NLGN1: variants seen among roughly 807,000 people sequenced by gnomAD.
The protein encoded by NLGN1 is neuroligin-1.
In NLGN1, 12 loss-of-function variants were observed where a neutral mutation model predicts 65.5. The observed-to-expected ratio is 0.18, with a 90% confidence interval of 0.12 to 0.30. NLGN1 has a LOEUF of 0.30. Among genes scored for constraint, NLGN1 ranks in the 10% least tolerant of loss-of-function variants. The probability of loss-of-function intolerance (pLI) is 1.00; values close to 1 mark genes in which losing one functional copy is unlikely to be tolerated. For synonymous variants in NLGN1, 350 were observed against 359.5 expected (o/e 0.97, Z 0.30); for missense variants, 750 against 1,007.1 (o/e 0.74, Z 3.46).
intron 2 of NLGN1, among the ~76,000 whole-genome samples, chr3:173,551,002 C>A (rs1188570822): frequency 6.6e-6 from 1 of 152,134 alleles, no homozygotes; most frequent in Non-Finnish European, 1.5e-5. Flanking sequence ...AATATTTTTA[C>A]AAATCTAAGC....
At chr3:173,452,341 C>A (rs911639301) in intron 2 of NLGN1, among the ~76,000 whole-genome samples, 1 of 152,040 alleles carries the variant, frequency 6.6e-6, no homozygotes, top group Admixed American at 6.6e-5. Context: ...CCCGCCACCA[C>A]GTCCGGCTAA....
chr3:173,611,742 A>G (rs1233275954), intron 3 of NLGN1, among the ~76,000 whole-genome samples: 1 of 152,122 alleles, frequency 6.6e-6, no homozygotes, highest in African/African-American at 2.4e-5. Context: ...AGACAGAGAC[A>G]GTCTCCTGAA....
At chr3:173,730,984 G>A (rs901025447) in intron 3 of NLGN1, among the ~76,000 whole-genome samples, 1 of 152,068 alleles carries the variant, frequency 6.6e-6, no homozygotes, top group African/African-American at 2.4e-5. Flanking sequence ...CATGATATGT[G>A]CCTTGAGAAA....
intron 3 of NLGN1, among the ~76,000 whole-genome samples, chr3:173,620,751 A>AG (rs1452276241): frequency 6.6e-6 from 1 of 152,152 alleles, no homozygotes; most frequent in Non-Finnish European, 1.5e-5. Flanking sequence ...TAGATAACAC[A>AG]GAAGTGGGGC....
At chr3:173,923,231 G>A (rs1344544597) in intron 4 of NLGN1, among the ~76,000 whole-genome samples, 1 of 152,106 alleles carries the variant, frequency 6.6e-6, no homozygotes, top group Admixed American at 6.6e-5. Flanking sequence ...TAGGGTCTGT[G>A]GGAAAGGCAG....
At chr3:173,787,525 ATGT>A (rs1711509141) in intron 3 of NLGN1, among the ~76,000 whole-genome samples, 1 of 152,182 alleles carries the variant, frequency 6.6e-6, no homozygotes. Context: ...TCTTTGATAA[ATGT>A]TATTATTCTG....
At chr3:173,510,063 G>T (rs953612645) in intron 2 of NLGN1, among the ~76,000 whole-genome samples, 2 of 152,102 alleles carry the variant, frequency 1.3e-5, no homozygotes, top group Non-Finnish European at 2.9e-5. Context: ...ATCTACATAT[G>T]GAACAATGTA....
intron 4 of NLGN1, among the ~76,000 whole-genome samples, chr3:174,001,999 G>A (rs1437021007): frequency 6.6e-6 from 1 of 151,554 alleles, no homozygotes; most frequent in Non-Finnish European, 1.5e-5. Flanking sequence ...TAGAAATATG[G>A]GAGTCATGGA....
At chr3:173,406,022 A>G (rs1287943473) in intron 1 of NLGN1, among the ~76,000 whole-genome samples, 2 of 152,146 alleles carry the variant, frequency 1.3e-5, no homozygotes, top group Non-Finnish European at 2.9e-5. Context: ...TATAACATGT[A>G]TCATATAACT....
chr3:173,885,553 G>T lies in NLGN1; in HGVS notation c.646+77721G>T, dbSNP rs149611764. The stretch of plus-strand genomic sequence containing the variant: ...TAGATCCACTTACAGATAAAAATTT[G>T]ATATATTGCTATATTAAATATATAG... On this transcript the variant is annotated intron_variant, in intron 4 of 6. Transcript: ENST00000457714. 1.3e-4 allele frequency among the ~76,000 whole-genome samples: 19 copies of T among 151,968 alleles called. No individual in the cohort carries two copies. The East Asian group carries it at 2.7e-3, about 22-fold the overall frequency.
chr3:173,773,126 C>T (rs1415028746), intron 3 of NLGN1, among the ~76,000 whole-genome samples: 2 of 152,112 alleles, frequency 1.3e-5, no homozygotes, highest in African/African-American at 4.8e-5. Flanking sequence ...TGCCATAACC[C>T]ACTTCAGTCA....
intron 3 of NLGN1, among the ~76,000 whole-genome samples, chr3:173,781,685 G>A (rs983748525): frequency 6.2e-4 from 95 of 152,170 alleles, no homozygotes; most frequent in Non-Finnish European, 1.1e-3. Context: ...TTAACTCCCC[G>A]TGTCTCAGTA....
At chr3:173,474,936 C>T (rs1164028461) in intron 2 of NLGN1, among the ~76,000 whole-genome samples, 1 of 151,480 alleles carries the variant, frequency 6.6e-6, no homozygotes, top group Non-Finnish European at 1.5e-5. Flanking sequence ...CCAGCCTGGG[C>T]AACAGAGTGA....
intron 4 of NLGN1, among the ~76,000 whole-genome samples, chr3:174,112,741 T>C (rs538481145): frequency 1.7e-4 from 26 of 152,084 alleles, no homozygotes; most frequent in Admixed American, 4.6e-4. Flanking sequence ...GCTAATAACA[T>C]CATGTTTCTA....
At chr3:174,017,729 G>A (rs1726888942) in intron 4 of NLGN1, among the ~76,000 whole-genome samples, 1 of 152,082 alleles carries the variant, frequency 6.6e-6, no homozygotes, top group African/African-American at 2.4e-5. Context: ...TTTCAAAAGG[G>A]GAGGGAGTGT....
intron 4 of NLGN1, among the ~76,000 whole-genome samples, chr3:174,134,939 C>T (rs988098178): frequency 1.3e-5 from 2 of 152,156 alleles, no homozygotes; most frequent in African/African-American, 4.8e-5. Context: ...GAGGAGCTGG[C>T]ACCCTGTCTG....
intron 4 of NLGN1, among the ~76,000 whole-genome samples, chr3:174,014,157 G>A (rs571150489): frequency 6.6e-6 from 1 of 152,138 alleles, no homozygotes; most frequent in African/African-American, 2.4e-5. Context: ...TCTCAAAATT[G>A]AAAATAACCC....
chr3:174,240,791 G>A (rs1384088309), intron 4 of NLGN1, among the ~76,000 whole-genome samples: 1 of 152,174 alleles, frequency 6.6e-6, no homozygotes, highest in Non-Finnish European at 1.5e-5. Context: ...CATGTTATAT[G>A]TAAGAGAATT....
chr3:173,512,228 GTGTCAGTGTGACAGCCTTTT>G (rs1254541396), intron 2 of NLGN1, among the ~76,000 whole-genome samples: 1 of 152,240 alleles, frequency 6.6e-6, no homozygotes, highest in Non-Finnish European at 1.5e-5. Context: ...CAAGGGCAAA[GTGTCAGTGTGACAGCCTTTT>G]TGGGTATTCA....
Sources: allele counts gnomAD v4.1 joint callset (sites outside exome capture counted in the v4.1 genomes callset), GRCh38; gene constraint gnomAD v4.1.1; transcripts MANE v1.5; gene names NCBI Gene and HGNC (gene_info 2026-07-23, HGNC 2026-07-21).